Variants in ZNF668 observed in about 807,000 individuals in gnomAD.
The protein encoded by ZNF668 is zinc finger protein 668.
In ZNF668, 10 loss-of-function variants were observed where a neutral mutation model predicts 40.3. The ratio of observed to expected loss-of-function variants is 0.25; its 90% CI spans 0.15 to 0.42. The LOEUF (loss-of-function observed/expected upper bound fraction) is 0.42, where lower values mean the gene tolerates loss of function less well. Among genes scored for constraint, ZNF668 ranks in the 10% least tolerant of loss-of-function variants. The probability of loss-of-function intolerance (pLI) is 1.00; values close to 1 mark genes in which losing one functional copy is unlikely to be tolerated. For synonymous variants in ZNF668, 428 were observed against 384.6 expected (o/e 1.11, Z -1.32); for missense variants, 749 against 904.6 (o/e 0.83, Z 2.21).
rs560828476 is a variant in ZNF668 at position 31,065,053 on chromosome 16, C to A, written c.-22-572G>T. The A allele has an allele frequency of 9.3e-6, 10 of 1,076,096 alleles. No homozygotes were observed. The South Asian group carries it at 3.1e-4, about 33-fold the overall frequency. 66.7% of individuals were successfully genotyped at this position (1,076,096 alleles called of 1,614,324 possible). A position where few individuals can be genotyped will look rare whatever the true frequency, so the allele number is the denominator to read the frequency against. On this transcript the variant is annotated intron_variant, in intron 1 of 2. Transcript: ENST00000300849. Reference sequence around the variant, plus strand: ...CTGTTCACACAGAATTCTGGCCTTGCACAGCTGTACGGGCCTCCGCCCCAG... The same window carrying A: ...CTGTTCACACAGAATTCTGGCCTTGAACAGCTGTACGGGCCTCCGCCCCAG...
chr16:31,066,597 G>A (rs555417896), intron 1 of ZNF668, among the ~76,000 whole-genome samples: 6 of 152,162 alleles, frequency 3.9e-5, no homozygotes, highest in Non-Finnish European at 8.8e-5. Flanking sequence ...GCATGTGCCT[G>A]TAGTACTGCC....
At position 31,073,869 on chromosome 16, in the gene ZNF668, A is replaced by C. The variant is rs1250656867; in HGVS notation, c.-233T>G. The C allele has an allele frequency of 6.6e-6, 1 of 152,186 alleles. No individual in the cohort carries two copies. The highest frequency in any genetic ancestry group is 1.5e-5 in the Non-Finnish European group (1 of 68,042). 9.4% of individuals were successfully genotyped at this position (152,186 alleles called of 1,614,324 possible). ...CTCCAGCCTATGGCGGCAGAGAAGCATCTTGCAAGAGGTCTCTGTGTGTGC... is the reference window on the plus strand; with the variant it reads ...CTCCAGCCTATGGCGGCAGAGAAGCCTCTTGCAAGAGGTCTCTGTGTGTGC... On this transcript the variant is annotated 5_prime_UTR_variant, in exon 1 of 3. It removes an upstream start codon present in the reference 5' UTR. Coordinates refer to ENST00000300849, the MANE Select transcript of ZNF668 (RefSeq NM_024706.5).
In ZNF668 at chr16:31,073,769, G is replaced by A. The variant is rs996911656; in HGVS notation, c.-133C>T. The A allele has an allele frequency of 6.6e-6, 1 of 152,322 alleles. No individual in the cohort carries two copies. The highest frequency in any genetic ancestry group is 2.4e-5 in the African/African-American group (1 of 41,472). 9.4% of individuals were successfully genotyped at this position (152,322 alleles called of 1,614,324 possible). A position where few individuals can be genotyped will look rare whatever the true frequency, so the allele number is the denominator to read the frequency against. The stretch of plus-strand genomic sequence containing the variant: ...CTAGGACCCAGCGGGGGGCGGGGAG[G>A]TGGGACCGGTGGCGCGGCGAGCGGA... On this transcript the variant is annotated 5_prime_UTR_variant, in exon 1 of 3. Transcript: ENST00000300849.
At chr16:31,064,586 ATCCT>A (rs1297590462) in intron 1 of ZNF668, 105 bp from the exon 2 acceptor site, 1 of 1,554,808 alleles carries the variant, frequency 6.4e-7, no homozygotes, top group Admixed American at 1.9e-5. Context: ...GAACCCACAC[ATCCT>A]TCCTGCCCAG....
At position 31,061,299 on chromosome 16, in the gene ZNF668, G is replaced by A. The variant is rs140247361; in HGVS notation, c.1629C>T (p.Pro543=). ...TCTTGCCGCACTGGGTGCAGGGGAA[G>A]GGCCGGAGCTCCGGGTGTGAGCGCT... The part of the protein sequence containing the change: ...RHERSHPELR[P]FPCTQCGKSF... Residue 543 remains proline (P), a synonymous_variant, in exon 3 of 3, where the codon CCC becomes CCT. Coordinates refer to ENST00000300849, the MANE Select transcript of ZNF668 (RefSeq NM_024706.5). This position sits in a 1 kb window ranked among gnomAD's most constrained non-coding sequence, Gnocchi z 7.7. 2.7e-3 allele frequency: 4,308 copies of A among 1,572,914 alleles called. 11 individuals carry two copies. Among genetic ancestry groups the A allele is most frequent in the Middle Eastern group, 5.5e-3 (32 of 5,826 alleles).
At chr16:31,063,721 CTT>C (rs1290778677) in intron 2 of ZNF668, 90 bp downstream of exon 2, 4 of 1,373,322 alleles carry the variant, frequency 2.9e-6, no homozygotes, top group Non-Finnish European at 3.8e-6. Context: ...CATTGGCTCA[CTT>C]TACCCTGAGA....
chr16:31,070,228 GACGGAGTCTT>G (rs1257539319), intron 1 of ZNF668, among the ~76,000 whole-genome samples: 3 of 141,776 alleles, frequency 2.1e-5, no homozygotes, highest in Non-Finnish European at 4.6e-5. Context: ...CTTTTTTTGA[GACGGAGTCTT>G]ACTCTGTCCC....
rs776361564 is a variant in ZNF668, at chr16:31,063,855, C to G, written c.605G>C (p.Gly202Ala). The part of the protein sequence containing the change: ...GLRPYSCERC[G>A]KAYAELKDLR... ...GTCCTTGAGCTCCGCATAGGCTTTG[C>G]CGCAACGCTCACAGCTGTAGGGCCG... Residue 202 changes from glycine (G) to alanine (A), a missense_variant, in exon 2 of 3, where the codon GGC (glycine) becomes GCC (alanine). Physicochemically the swap from Gly to Ala is moderately conservative, Grantham distance 60. Transcript: ENST00000300849. 9 of 1,590,066 alleles carry G rather than the reference C, an allele frequency of 5.7e-6. No homozygotes were observed. Among genetic ancestry groups the G allele is most frequent in the Non-Finnish European group, 7.7e-6 (9 of 1,166,946 alleles).
At chr16:31,067,787 T>G (rs1454430555) in intron 1 of ZNF668, among the ~76,000 whole-genome samples, 5 of 152,170 alleles carry the variant, frequency 3.3e-5, no homozygotes, top group African/African-American at 1.2e-4. Flanking sequence ...CCTAAGCAGC[T>G]GGGACTTCAG....
chr16:31,064,119 C>T lies in ZNF668; in HGVS notation c.341G>A (p.Cys114Tyr). Residue 114 changes from cysteine to tyrosine, a missense_variant, in exon 2 of 3, where the codon TGC becomes TAC. By Grantham distance (194) the Cys-to-Tyr change is radical. Around this residue, in one of 4 missense-constraint regions of ZNF668, gnomAD observed 151 missense variants for 178.6 expected, o/e 0.85. Transcript: ENST00000300849. ...RSHTGEKPFP[C>Y]PECGRRFMQP... is the part of the protein sequence containing the mutation. The stretch of plus-strand genomic sequence containing the variant: ...CATGAAGCGGCGGCCGCACTCGGGG[C>T]ACGGAAAGGGCTTCTCCCCCGTGTG... The T allele has an allele frequency of 6.2e-7, 1 of 1,605,970 alleles. No homozygotes were observed. The highest frequency in any genetic ancestry group is 8.5e-7 in the Non-Finnish European group (1 of 1,177,802).
intron 1 of ZNF668, chr16:31,072,957 CCG>C (rs2057027617): frequency 4.6e-5 from 7 of 152,290 alleles, no homozygotes; most frequent in Admixed American, 2.6e-4. Flanking sequence ...GGGCCCCACG[CCG>C]CTCTGGACCT....
intron 1 of ZNF668, among the ~76,000 whole-genome samples, chr16:31,068,521 CT>C (rs11311964): frequency 0.4 from 56,866 of 140,838 alleles, 11,269 homozygotes; most frequent in South Asian, 0.69. Flanking sequence ...CACGCCCAGA[CT>C]TTTTTTTTTT....
chr16:31,062,402 A>T (rs868707553), intron 2 of ZNF668, 122 bp from the exon 3 acceptor site: 1 of 1,363,354 alleles, frequency 7.3e-7, no homozygotes, highest in African/African-American at 1.4e-5. Flanking sequence ...TAATCCCCTA[A>T]GAGCCACATG....
Position 31,063,963 on chromosome 16 carries a change from C to G in ZNF668, c.497G>C (p.Arg166Pro), listed in dbSNP as rs970223291. Residue 166 changes from arginine to proline, a missense_variant, in exon 2 of 3, where the codon CGG (arginine) becomes CCG (proline). This residue lies in a region of ZNF668 where 151 missense variants were observed against 178.6 expected (regional missense o/e 0.85). Coordinates refer to ENST00000300849, the MANE Select transcript of ZNF668 (RefSeq NM_024706.5). ...KIHQRGHTGE[R>P]PYACADCGKS... Reference sequence around the variant, plus strand: ...GCCGCAGTCGGCGCAGGCGTAAGGCCGCTCGCCTGTGTGGCCACGCTGGTG... The same window carrying G: ...GCCGCAGTCGGCGCAGGCGTAAGGCGGCTCGCCTGTGTGGCCACGCTGGTG... 6.2e-7 allele frequency: 1 copy of G among 1,608,368 alleles called. No homozygotes were observed. Among genetic ancestry groups the G allele is most frequent in the African/African-American group, 1.3e-5 (1 of 74,814 alleles).
At chr16:31,072,688 A>T (rs2057024397) in intron 1 of ZNF668, 1 of 152,262 alleles carries the variant, frequency 6.6e-6, no homozygotes, top group Non-Finnish European at 1.5e-5. Flanking sequence ...GTGAGCGCTA[A>T]TCATATCCTA....
At chr16:31,065,014 C>T (rs989004408) in intron 1 of ZNF668, 48 of 1,144,992 alleles carry the variant, frequency 4.2e-5, no homozygotes, top group Non-Finnish European at 5.0e-5. Context: ...ATGGTTAGTC[C>T]TCAGAGACAG....
At chr16:31,068,416 G>T (rs2056993959) in intron 1 of ZNF668, among the ~76,000 whole-genome samples, 1 of 150,114 alleles carries the variant, frequency 6.7e-6, no homozygotes, top group African/African-American at 2.4e-5. Flanking sequence ...TAGAGACGGG[G>T]TTTCACTGTG....
chr16:31,064,802 TCTTC>T, intron 1 of ZNF668: 1 of 1,465,498 alleles, frequency 6.8e-7, no homozygotes, highest in Non-Finnish European at 9.0e-7. Context: ...TGTCTCACCA[TCTTC>T]CTTCTTCAGC....
At position 31,064,493 on chromosome 16, in the gene ZNF668, G is replaced by A. The variant is rs781739257; in HGVS notation, c.-22-12C>T. ...TGAACGGGGTTTCTCTGCAAGAGAAGCAAAGTTAGACCAAAGCCACATACC... is the reference window on the plus strand; with the variant it reads ...TGAACGGGGTTTCTCTGCAAGAGAAACAAAGTTAGACCAAAGCCACATACC... On this transcript the variant is annotated splice_polypyrimidine_tract_variant and intron_variant, in intron 1 of 2. Coordinates refer to ENST00000300849, the MANE Select transcript of ZNF668 (RefSeq NM_024706.5). 3 of 1,603,100 alleles carry A rather than the reference G, an allele frequency of 1.9e-6. No homozygotes were observed. The South Asian group carries it at 3.3e-5, about 18-fold the overall frequency.
Sources: allele counts gnomAD v4.1 joint callset (sites outside exome capture counted in the v4.1 genomes callset), GRCh38; gene constraint gnomAD v4.1.1; regional missense constraint gnomAD v4.1.1; non-coding constraint Gnocchi (gnomAD v3.1); transcripts MANE v1.5; gene names NCBI Gene and HGNC (gene_info 2026-07-23, HGNC 2026-07-21).